The following DOCK7 variants were observed in gnomAD, a reference collection of about 807,000 sequenced individuals.
DOCK7 encodes the protein dedicator of cytokinesis 7.
In DOCK7, 138 loss-of-function variants were observed where a neutral mutation model predicts 271.0. The observed-to-expected ratio is 0.51, with a 90% CI of 0.44 to 0.59. The LOEUF is 0.59. Ranked by LOEUF, DOCK7 falls within the 20% of genes least tolerant of loss-of-function variation. The pLI is 0.00. For synonymous variants in DOCK7, 823 were observed against 876.1 expected (o/e 0.94, Z 1.07); for missense variants, 2,066 against 2,592.4 (o/e 0.80, Z 4.41).
chr1:62,653,387 A>T (rs1430047422), intron 4 of DOCK7, among the ~76,000 whole-genome samples: 2 of 152,192 alleles, frequency 1.3e-5, no homozygotes, highest in African/African-American at 4.8e-5. Context: ...AGTTTCACTA[A>T]ACTGGATTCT....
chr1:62,481,745 T>C (rs1646133604), intron 43 of DOCK7: 1 of 152,220 alleles, frequency 6.6e-6, no homozygotes, highest in Non-Finnish European at 1.5e-5. Flanking sequence ...ATCTACCATG[T>C]TTCTAAATGG....
intron 18 of DOCK7, among the ~76,000 whole-genome samples, chr1:62,575,059 C>T (rs1258174619): frequency 6.6e-6 from 1 of 152,090 alleles, no homozygotes; most frequent in Non-Finnish European, 1.5e-5. Flanking sequence ...GAGATGGGGT[C>T]TTGCTATGTT....
Position 62,455,361 on chromosome 1 carries a change from C to T in DOCK7, c.*53G>A, listed in dbSNP as rs1480394022. 1 of 1,578,100 alleles carries T rather than the reference C, an allele frequency of 6.3e-7. No homozygotes were observed. The highest frequency in any genetic ancestry group is 1.3e-5 in the African/African-American group (1 of 74,120). The stretch of plus-strand genomic sequence containing the variant: ...TTGTTTTCCAATAGATCTTTTCACA[C>T]TCGATGTTGAATACATGGCTCTTTG... On this transcript the variant is annotated 3_prime_UTR_variant, in exon 50 of 50. Transcript: ENST00000635253.
chr1:62,533,473 T>C (rs772628576), intron 29 of DOCK7, among the ~76,000 whole-genome samples: 12 of 151,876 alleles, frequency 7.9e-5, no homozygotes, highest in African/African-American at 2.4e-4. Context: ...ATTTGTCAAA[T>C]GGCAAAATAC....
intron 18 of DOCK7, among the ~76,000 whole-genome samples, chr1:62,562,523 T>C (rs1464685198): frequency 6.6e-6 from 1 of 152,000 alleles, no homozygotes. Flanking sequence ...CCGAAAACAT[T>C]TTTTCAGAAG....
chr1:62,513,344 T>G, intron 33 of DOCK7, 100 bp downstream of exon 33: 2 of 1,109,602 alleles, frequency 1.8e-6, no homozygotes, highest in Non-Finnish European at 2.3e-6. Flanking sequence ...AATTCACAGT[T>G]ACACTTAAAA....
rs778516272 is a variant in DOCK7, at chr1:62,507,980, T to A, written c.4458A>T (p.Thr1486=). The A allele has an allele frequency of 1.2e-6, 2 of 1,612,144 alleles. No homozygotes were observed. Among genetic ancestry groups the A allele is most frequent in the African/African-American group, 1.3e-5 (1 of 74,856 alleles). Reference sequence around the variant, plus strand: ...TTCTTACCTGAACAACAATCTCTAATGTATCTAAAATGATTAGGTTTGCTT... The same window carrying A: ...TTCTTACCTGAACAACAATCTCTAAAGTATCTAAAATGATTAGGTTTGCTT... ...ATEANLIILD[T]LEIVVQTVSV... is the part of the protein sequence containing the mutation. Residue 1486 remains threonine, a synonymous_variant, in exon 35 of 50, where the codon ACA becomes ACT. Transcript: ENST00000635253.
rs1241494133 is a variant in DOCK7 at position 62,636,618 on chromosome 1, AG to A, written c.819-16del. 6.4e-7 allele frequency: 1 copy of A among 1,565,676 alleles called. No individual in the cohort carries two copies. The highest frequency in any genetic ancestry group is 1.4e-5 in the African/African-American group (1 of 73,472). ...CAATTTCAAACCTTTATGAAGAAAA[AG>A]GATAAAATAATTTAAAGATAAACAT... On this transcript the variant is annotated splice_polypyrimidine_tract_variant and intron_variant, in intron 7 of 49. Transcript: ENST00000635253.
rs777656293 is a variant in DOCK7, at chr1:62,508,009, T to C, written c.4429A>G (p.Thr1477Ala). 9.7e-5 allele frequency: 156 copies of C among 1,612,998 alleles called. 1 individual carries two copies. The highest frequency in any genetic ancestry group is 1.3e-4 in the Non-Finnish European group (148 of 1,179,762). ...HEALIDGNLA[T>A]EANLIILDTL... ...TCTAAAATGATTAGGTTTGCTTCTG[T>C]AGCCAGGTTTCCATCAATCAGTGCT... Residue 1477 changes from threonine (T) to alanine (A), a missense_variant, in exon 35 of 50, where the codon ACA becomes GCA. Coordinates refer to ENST00000635253, the MANE Select transcript of DOCK7 (RefSeq NM_001367561.1).
At chr1:62,457,953 C>T (rs755677385) in intron 48 of DOCK7, 34 of 388,676 alleles carry the variant, frequency 8.7e-5, no homozygotes, top group Non-Finnish European at 1.4e-4. Flanking sequence ...AGTTCTGAGA[C>T]CAGTCTGGAC....
At chr1:62,625,204 TAAAA>T (rs1354280404) in intron 12 of DOCK7, 51 bp downstream of exon 12, 1 of 1,591,694 alleles carries the variant, frequency 6.3e-7, no homozygotes, top group Non-Finnish European at 8.6e-7. Context: ...TTTCTGAAAT[TAAAA>T]AAATTTATGC....
At chr1:62,627,176 C>T (rs1654058243) in intron 11 of DOCK7, among the ~76,000 whole-genome samples, 1 of 152,140 alleles carries the variant, frequency 6.6e-6, no homozygotes, top group South Asian at 2.1e-4. Context: ...TTTACAAAAT[C>T]TAACAGACTT....
At chr1:62,477,441 G>A (rs945584553) in intron 44 of DOCK7, among the ~76,000 whole-genome samples, 2 of 152,104 alleles carry the variant, frequency 1.3e-5, no homozygotes, top group African/African-American at 4.8e-5. Context: ...CCGTTAAGTC[G>A]CAGTAATTCT....
intron 35 of DOCK7, among the ~76,000 whole-genome samples, chr1:62,506,309 C>T (rs982668993): frequency 6.6e-6 from 1 of 151,896 alleles, no homozygotes; most frequent in African/African-American, 2.4e-5. Context: ...TGAGTCATGC[C>T]CTTAAAAAAA....
chr1:62,681,148 A>G (rs1400726617), intron 1 of DOCK7, among the ~76,000 whole-genome samples: 3 of 152,258 alleles, frequency 2.0e-5, no homozygotes, highest in Non-Finnish European at 2.9e-5. Context: ...ATGTCCATCA[A>G]TGATAGACTG....
At chr1:62,607,120 C>T (rs555891736) in intron 14 of DOCK7, among the ~76,000 whole-genome samples, 41 of 152,206 alleles carry the variant, frequency 2.7e-4, no homozygotes, top group African/African-American at 9.4e-4. Context: ...ACAGGAGAAT[C>T]GCTTGAACCC....
intron 46 of DOCK7, 146 bp from the exon 47 acceptor site, chr1:62,475,497 G>A (rs1469586932): frequency 9.0e-6 from 8 of 893,232 alleles, no homozygotes; most frequent in African/African-American, 3.5e-5. Context: ...ATTCCTAAAT[G>A]AAAAAAAAAA....
intron 18 of DOCK7, among the ~76,000 whole-genome samples, chr1:62,565,612 T>C (rs1180845504): frequency 1.3e-5 from 2 of 152,232 alleles, no homozygotes; most frequent in South Asian, 4.2e-4. Context: ...CCATACTGAA[T>C]AGGCGAAAAC....
intron 14 of DOCK7, chr1:62,603,900 A>C: frequency 6.8e-7 from 1 of 1,478,318 alleles, no homozygotes; most frequent in Non-Finnish European, 9.4e-7. Flanking sequence ...AATAAAAAAC[A>C]CTTAAAAAAA....
Sources: gnomAD v4.1 joint callset for allele counts (sites outside exome capture counted in the v4.1 genomes callset) on GRCh38, gnomAD v4.1.1 for gene constraint, MANE v1.5 for transcripts, NCBI Gene and HGNC (gene_info 2026-07-23, HGNC 2026-07-21) for gene names.